FGFR2: variants seen among roughly 807,000 people sequenced by gnomAD.
The protein encoded by FGFR2 is BEK fibroblast growth factor receptor.
Under a neutral mutation model 95.9 loss-of-function variants are expected in FGFR2, and 19 were observed. The observed-to-expected ratio is 0.20, with a 90% CI of 0.14 to 0.29. FGFR2 has a LOEUF of 0.29. Among genes scored for constraint, FGFR2 ranks in the 10% least tolerant of loss-of-function variants. FGFR2 has a pLI of 1.00. For synonymous variants in FGFR2, 392 were observed against 393.3 expected (o/e 1.00, Z 0.04); for missense variants, 707 against 1,056.9 (o/e 0.67, Z 4.59).
rs578000084 is a variant in FGFR2 at position 121,566,254 on chromosome 10, T to C, written c.110-550A>G. ...GATTTTTTGCCATCCAGAGTTTTCA[T>C]GAGCTCTCATGTTCAGATCAGTACT... On this transcript the variant is annotated intron_variant, in intron 2 of 17. Transcript: ENST00000358487. Among the ~76,000 whole-genome samples, 11 of 152,288 alleles carry C rather than the reference T, an allele frequency of 7.2e-5. No homozygotes were observed. In the South Asian group the frequency reaches 1.9e-3, roughly 26 times the overall value.
At position 121,551,013 on chromosome 10, in the gene FGFR2, G is replaced by A. The variant is rs536808201; in HGVS notation, c.624+277C>T. Among the ~76,000 whole-genome samples the A allele has an allele frequency of 2.0e-5, 3 of 152,244 alleles. No homozygotes were observed. The South Asian group carries it at 6.2e-4, about 32-fold the overall frequency. ...AGGCAGGCGGATCACGAGGTCAGGA[G>A]ATCAAGACCATCCTGGACAACACGG... On this transcript the variant is annotated intron_variant, in intron 5 of 17. Transcript: ENST00000358487.
intron 6 of FGFR2, among the ~76,000 whole-genome samples, chr10:121,521,785 C>T (rs1371450813): frequency 6.6e-6 from 1 of 152,130 alleles, no homozygotes; most frequent in African/African-American, 2.4e-5. Context: ...AACAGAACTA[C>T]CCTAAGATCC....
chr10:121,574,091 C>G (rs1381366190), intron 2 of FGFR2, among the ~76,000 whole-genome samples: 1 of 152,296 alleles, frequency 6.6e-6, no homozygotes, highest in Admixed American at 6.5e-5. Flanking sequence ...GTAAGAAGTC[C>G]TCACTGGTCA....
chr10:121,562,763 C>T (rs1430106918), intron 4 of FGFR2, among the ~76,000 whole-genome samples: 1 of 152,172 alleles, frequency 6.6e-6, no homozygotes, highest in Admixed American at 6.5e-5. Flanking sequence ...TGATTACATA[C>T]CCTAAAGTCA....
chr10:121,523,670 T>G (rs753674493), intron 6 of FGFR2, among the ~76,000 whole-genome samples: 4 of 152,220 alleles, frequency 2.6e-5, no homozygotes, highest in Non-Finnish European at 4.4e-5. Context: ...TATCAATTCA[T>G]GCCCTGGCTC....
At chr10:121,555,190 T>A (rs1355792547) in intron 4 of FGFR2, among the ~76,000 whole-genome samples, 1 of 152,080 alleles carries the variant, frequency 6.6e-6, no homozygotes, top group Non-Finnish European at 1.5e-5. Flanking sequence ...CTGACCAACA[T>A]GGTGAAACCC....
chr10:121,577,178 T>TATATATATATATATATATAGAG, intron 2 of FGFR2, among the ~76,000 whole-genome samples: 2 of 5,212 alleles, frequency 3.8e-4, no homozygotes, highest in Non-Finnish European at 3.3e-4. Context: ...TATATATATA[T>TATATATATATATATATATAGAG]AGAGAGAGAG....
At chr10:121,545,701 T>C (rs974451518) in intron 5 of FGFR2, among the ~76,000 whole-genome samples, 2 of 152,222 alleles carry the variant, frequency 1.3e-5, no homozygotes, top group African/African-American at 4.8e-5. Flanking sequence ...GGATTAAGCA[T>C]AACATTTCAT....
In FGFR2 at chr10:121,548,245, C is replaced by CT. The variant is rs57061338; in HGVS notation, c.624+3044dup. On this transcript the variant is annotated intron_variant, in intron 5 of 17. Transcript: ENST00000358487. The stretch of plus-strand genomic sequence containing the variant: ...TGTGTGGCCCTCTGCCGCTTTTGGC[C>CT]TTTTTTTTTTTTTTTTTTTTTTTTT... Among the ~76,000 whole-genome samples, 120 of 46,694 alleles carry CT rather than the reference C, an allele frequency of 2.6e-3. 5 individuals carry two copies. Among genetic ancestry groups the CT allele is most frequent in the African/African-American group, 6.8e-3 (107 of 15,844 alleles). The allele number at this position is 46,694 out of a possible 152,430, so 30.6% of individuals were successfully genotyped here.
At chr10:121,584,392 A>C in intron 2 of FGFR2, among the ~76,000 whole-genome samples, 1 of 107,854 alleles carries the variant, frequency 9.3e-6, no homozygotes, top group Non-Finnish European at 1.9e-5. Context: ...CCCCACCCCA[A>C]CCTATCCCAT....
rs148199342 is a variant in FGFR2, at chr10:121,586,545, C to T, written c.109+7164G>A. 1.4e-3 allele frequency among the ~76,000 whole-genome samples: 212 copies of T among 152,262 alleles called. 1 individual carries two copies. The highest frequency in any genetic ancestry group is 6.8e-3 in the Middle Eastern group (2 of 294). ...ATGATGTGGCCAAAGTCCACAATGGCGCAGAATTACTTACAGTATTCCAAA... is the reference window on the plus strand; with the variant it reads ...ATGATGTGGCCAAAGTCCACAATGGTGCAGAATTACTTACAGTATTCCAAA... On this transcript the variant is annotated intron_variant, in intron 2 of 17. Coordinates refer to ENST00000358487, the MANE Select transcript of FGFR2 (RefSeq NM_000141.5).
chr10:121,518,538 T>A lies in FGFR2; in HGVS notation c.940-1075A>T, dbSNP rs1850009535. 3.4e-6 allele frequency: 3 copies of A among 878,034 alleles called. No homozygotes were observed. The South Asian group carries it at 5.2e-5, about 15-fold the overall frequency. 54.4% of individuals were successfully genotyped at this position (878,034 alleles called of 1,614,324 possible). On this transcript the variant is annotated intron_variant, in intron 7 of 17. Transcript: ENST00000358487. This position sits in a 1 kb window ranked among gnomAD's most constrained non-coding sequence, Gnocchi z 4.0. The stretch of plus-strand genomic sequence containing the variant: ...GGCTACTGGCATCATACCAGCTGCA[T>A]CACCGAAGAAAGATTATTATAAATA...
At chr10:121,482,311 T>C in intron 17 of FGFR2, 2 of 706,524 alleles carry the variant, frequency 2.8e-6, no homozygotes, top group Admixed American at 2.4e-5. Flanking sequence ...TCCTTTCAAC[T>C]TCTGAAGGTC....
intron 13 of FGFR2, among the ~76,000 whole-genome samples, chr10:121,491,228 C>A (rs1364762159): frequency 6.6e-6 from 1 of 152,072 alleles, no homozygotes; most frequent in African/African-American, 2.4e-5. Context: ...ATCCCAGGGG[C>A]TAGGAAACAT....
intron 11 of FGFR2, 92 bp from the exon 12 acceptor site, chr10:121,498,697 T>A (rs1219339290): frequency 5.7e-6 from 6 of 1,052,092 alleles, no homozygotes; most frequent in African/African-American, 4.7e-5. Flanking sequence ...TGAAACAGCA[T>A]GAAATTGAAT....
At chr10:121,552,131 ATAACT>A (rs1169986832) in intron 4 of FGFR2, among the ~76,000 whole-genome samples, 1 of 152,196 alleles carries the variant, frequency 6.6e-6, no homozygotes, top group African/African-American at 2.4e-5. Flanking sequence ...CCACCTAATG[ATAACT>A]TAAGAGGAGG....
At chr10:121,555,101 C>T (rs1855946724) in intron 4 of FGFR2, among the ~76,000 whole-genome samples, 1 of 152,134 alleles carries the variant, frequency 6.6e-6, no homozygotes, top group Admixed American at 6.5e-5. Flanking sequence ...AGGCCAGGCG[C>T]GGTGGCTCAC....
chr10:121,580,929 G>A (rs1218185789), intron 2 of FGFR2, among the ~76,000 whole-genome samples: 1 of 152,088 alleles, frequency 6.6e-6, no homozygotes, highest in Non-Finnish European at 1.5e-5. Context: ...CGGCTCCCAC[G>A]AATGTAGGCT....
At position 121,531,983 on chromosome 10, in the gene FGFR2, T is replaced by C. The variant is rs1852139341; in HGVS notation, c.748+6609A>G. On this transcript the variant is annotated intron_variant, in intron 6 of 17. Coordinates refer to ENST00000358487, the MANE Select transcript of FGFR2 (RefSeq NM_000141.5). This position sits in a 1 kb window ranked among gnomAD's most constrained non-coding sequence, Gnocchi z 4.5. ...AAGGCTGTCGCTGTGACCCATTACCTGGCACGCCACCCCAATCCCTTCTCA... is the reference window on the plus strand; with the variant it reads ...AAGGCTGTCGCTGTGACCCATTACCCGGCACGCCACCCCAATCCCTTCTCA... Among the ~76,000 whole-genome samples, 1 of 152,200 alleles carries C rather than the reference T, an allele frequency of 6.6e-6. No individual in the cohort carries two copies. The highest frequency in any genetic ancestry group is 1.5e-5 in the Non-Finnish European group (1 of 68,034).
Sources: gnomAD v4.1 joint callset for allele counts (sites outside exome capture counted in the v4.1 genomes callset) on GRCh38, gnomAD v4.1.1 for gene constraint, Gnocchi (gnomAD v3.1) non-coding constraint, MANE v1.5 for transcripts, NCBI Gene and HGNC (gene_info 2026-07-23, HGNC 2026-07-21) for gene names.